Variants in EEF2K observed in about 807,000 individuals in gnomAD.
The protein encoded by EEF2K is eukaryotic elongation factor 2 kinase.
Under a neutral mutation model 93.8 loss-of-function variants are expected in EEF2K, and 70 were observed. The ratio of observed to expected loss-of-function variants is 0.75; its 90% CI spans 0.62 to 0.91. The LOEUF (loss-of-function observed/expected upper bound fraction) is 0.91. Ranked by LOEUF, EEF2K falls within the 40% of genes least tolerant of loss-of-function variation. EEF2K has a pLI of 0.00. For missense variants in EEF2K, 935 were observed against 972.9 expected (o/e 0.96, Z 0.52); for synonymous variants, 376 against 380.8 (o/e 0.99, Z 0.15).
intron 1 of EEF2K, among the ~76,000 whole-genome samples, chr16:22,207,094 C>T (rs1423019014): frequency 6.6e-6 from 1 of 152,202 alleles, no homozygotes; most frequent in Non-Finnish European, 1.5e-5. Context: ...AGCCCGAATT[C>T]CCGGAACCTC....
intron 2 of EEF2K, among the ~76,000 whole-genome samples, chr16:22,228,674 A>G (rs2047087348): frequency 6.6e-6 from 1 of 152,242 alleles, no homozygotes; most frequent in Non-Finnish European, 1.5e-5. Context: ...CAGGTTTCAG[A>G]CAAAGACAGT....
chr16:22,264,592 C>T (rs2047498898), intron 12 of EEF2K, among the ~76,000 whole-genome samples: 1 of 152,208 alleles, frequency 6.6e-6, no homozygotes, highest in African/African-American at 2.4e-5. Context: ...GACAGCAAGG[C>T]TGTGACTGCA....
rs780708612 is a variant in EEF2K at position 22,244,696 on chromosome 16, G to C, written c.313G>C (p.Glu105Gln). ...CGACCCCTGGGCTGAGTTCCACCTG[G>C]AAGATATTGCCACCGAACGTGCTAC... ...MPDPWAEFHL[E>Q]DIATERATRH... The change falls in exon 3 of 18, where the codon GAA becomes CAA. Residue 105 changes from glutamate (E) to glutamine (Q), a missense_variant. Glu to Gln is a conservative substitution (Grantham distance 29). Transcript: ENST00000263026. 1 of 1,613,952 alleles carries C rather than the reference G, an allele frequency of 6.2e-7. No homozygotes were observed. The highest frequency in any genetic ancestry group is 1.7e-5 in the Admixed American group (1 of 59,972).
At chr16:22,240,279 T>A (rs748880572) in intron 2 of EEF2K, among the ~76,000 whole-genome samples, 3 of 152,158 alleles carry the variant, frequency 2.0e-5, no homozygotes, top group African/African-American at 7.2e-5. Context: ...TACAGTAGAT[T>A]ATTATGCAAC....
chr16:22,234,187 T>A (rs1457130296), intron 2 of EEF2K, among the ~76,000 whole-genome samples: 1 of 152,212 alleles, frequency 6.6e-6, no homozygotes, highest in African/African-American at 2.4e-5. Context: ...CCATCGTGTG[T>A]GCCCCCCATG....
intron 2 of EEF2K, among the ~76,000 whole-genome samples, chr16:22,231,135 C>T (rs1033467874): frequency 8.6e-5 from 13 of 151,786 alleles, no homozygotes; most frequent in Admixed American, 5.9e-4. Context: ...ATCACCCAGG[C>T]TGGAGTGCAG....
intron 17 of EEF2K, among the ~76,000 whole-genome samples, chr16:22,282,383 C>T (rs375763869): frequency 6.8e-4 from 104 of 152,190 alleles, no homozygotes; most frequent in South Asian, 1.5e-3. Flanking sequence ...GCTTCCTAAA[C>T]GGGAATGAGC....
intron 3 of EEF2K, among the ~76,000 whole-genome samples, chr16:22,247,037 CAAAAAAAAAAAAAAAAAAA>C (rs57073413): frequency 2.2e-4 from 3 of 13,696 alleles, no homozygotes; most frequent in Admixed American, 1.6e-3. Flanking sequence ...GACTCCATCT[CAAAAAAAAAAAAAAAAAAA>C]AAAAAAAAAA....
chr16:22,272,053 A>T (rs2047587826), intron 15 of EEF2K, among the ~76,000 whole-genome samples: 1 of 152,214 alleles, frequency 6.6e-6, no homozygotes, highest in African/African-American at 2.4e-5. Flanking sequence ...TGTTAGTTTC[A>T]TCTGCAGTGT....
chr16:22,225,864 C>T lies in EEF2K; in HGVS notation c.135C>T (p.Asp45=). The T allele has an allele frequency of 1.2e-6, 2 of 1,614,194 alleles. No individual in the cohort carries two copies. The highest frequency in any genetic ancestry group is 1.7e-6 in the Non-Finnish European group (2 of 1,180,038). The change falls in exon 2 of 18, where the codon GAC becomes GAT. Residue 45 remains aspartate (D), a synonymous_variant. Transcript: ENST00000263026. ...ACTTCATCTGCCCCATCACGGATGACCCAAGCTCGAACCAGAATGTCAATT... is the reference window on the plus strand; with the variant it reads ...ACTTCATCTGCCCCATCACGGATGATCCAAGCTCGAACCAGAATGTCAATT... The part of the protein sequence containing the change: ...EGYFICPITD[D]PSSNQNVNSK...
intron 2 of EEF2K, among the ~76,000 whole-genome samples, chr16:22,233,627 C>A (rs1210459412): frequency 6.6e-6 from 1 of 152,120 alleles, no homozygotes; most frequent in Admixed American, 6.6e-5. Flanking sequence ...GCAGAGGCTG[C>A]AGTGAGAGAT....
chr16:22,262,242 T>C (rs1162636151), intron 11 of EEF2K, among the ~76,000 whole-genome samples: 1 of 152,142 alleles, frequency 6.6e-6, no homozygotes, highest in Non-Finnish European at 1.5e-5. Flanking sequence ...CCAGGCACGG[T>C]GGCTCACGCC....
At chr16:22,283,649 T>C (rs776065842) in intron 17 of EEF2K, among the ~76,000 whole-genome samples, 33 of 152,166 alleles carry the variant, frequency 2.2e-4, no homozygotes, top group Non-Finnish European at 3.7e-4. Flanking sequence ...CATGACTAAA[T>C]CTGGACCAAT....
chr16:22,281,961 G>A (rs2047697803), intron 17 of EEF2K, among the ~76,000 whole-genome samples: 1 of 152,098 alleles, frequency 6.6e-6, no homozygotes, highest in Non-Finnish European at 1.5e-5. Flanking sequence ...TAGAGTGGGT[G>A]GTTTAAACTA....
intron 2 of EEF2K, among the ~76,000 whole-genome samples, chr16:22,238,299 C>T (rs536167898): frequency 3.3e-5 from 5 of 152,054 alleles, no homozygotes; most frequent in African/African-American, 4.8e-5. Flanking sequence ...ACTCCCTGCC[C>T]GGGGGGAATA....
rs373796487 is a variant in EEF2K, at chr16:22,275,070, C to T, written c.1889+1320C>T. On this transcript the variant is annotated intron_variant, in intron 16 of 17. Transcript: ENST00000263026. The stretch of plus-strand genomic sequence containing the variant: ...ATGGAGGAGAGGTAAACAAAAAAGA[C>T]TGACATGATTGTATTAGGTCAAATG... Among the ~76,000 whole-genome samples, 6 of 152,160 alleles carry T rather than the reference C, an allele frequency of 3.9e-5. No homozygotes were observed. The East Asian group carries it at 7.7e-4, about 19-fold the overall frequency.
chr16:22,225,792 T>G lies in EEF2K; in HGVS notation c.63T>G (p.Ala21=). 1.2e-6 allele frequency: 2 copies of G among 1,614,232 alleles called. No individual in the cohort carries two copies. Among genetic ancestry groups the G allele is most frequent in the Non-Finnish European group, 1.7e-6 (2 of 1,180,052 alleles). Residue 21 remains alanine (A), a synonymous_variant, in exon 2 of 18, where the codon GCT becomes GCG. Coordinates refer to ENST00000263026, the MANE Select transcript of EEF2K (RefSeq NM_013302.5). Reference sequence around the variant, plus strand: ...TTGATGGCGGCCAGTCCCCCCGAGCTGGCCATGATGGTGATTCTGATGGGG... The same window carrying G: ...TTGATGGCGGCCAGTCCCCCCGAGCGGGCCATGATGGTGATTCTGATGGGG... The part of the protein sequence containing the change: ...EGVDGGQSPR[A]GHDGDSDGDS...
chr16:22,266,158 GT>G (rs1273906003), intron 13 of EEF2K, among the ~76,000 whole-genome samples: 10 of 151,856 alleles, frequency 6.6e-5, no homozygotes, highest in Admixed American at 5.3e-4. Flanking sequence ...GGAGGTGGAG[GT>G]TGCAGTGAGC....
Position 22,225,850 on chromosome 16 carries a change from C to T in EEF2K, c.121C>T (p.Pro41Ser). 2 of 1,614,172 alleles carry T rather than the reference C, an allele frequency of 1.2e-6. No homozygotes were observed. The highest frequency in any genetic ancestry group is 1.7e-6 in the Non-Finnish European group (2 of 1,180,032). Reference sequence around the variant, plus strand: ...CGATGAGGAAGGTTACTTCATCTGCCCCATCACGGATGACCCAAGCTCGAA... The same window carrying T: ...CGATGAGGAAGGTTACTTCATCTGCTCCATCACGGATGACCCAAGCTCGAA... ...SDDEEGYFIC[P>S]ITDDPSSNQN... is the part of the protein sequence containing the mutation. The change falls in exon 2 of 18, where the codon CCC becomes TCC. Residue 41 changes from proline (P) to serine (S), a missense_variant. Transcript: ENST00000263026.
Sources: gnomAD v4.1 joint callset for allele counts (sites outside exome capture counted in the v4.1 genomes callset) on GRCh38, gnomAD v4.1.1 for gene constraint, MANE v1.5 for transcripts, NCBI Gene and HGNC (gene_info 2026-07-23, HGNC 2026-07-21) for gene names.